The following RPA1 variants were observed in gnomAD, a reference collection of about 807,000 sequenced individuals.
RPA1 encodes replication protein A1.
Under a neutral mutation model 83.0 loss-of-function variants are expected in RPA1, and 49 were observed. That is an observed-to-expected ratio of 0.59 (90% confidence interval 0.47 to 0.75). The LOEUF (loss-of-function observed/expected upper bound fraction) is 0.75, where lower values mean the gene tolerates loss of function less well. RPA1 is among the 30% of genes least tolerant of loss of function. The pLI is 0.00. For missense variants in RPA1, 693 were observed against 776.1 expected, an observed-to-expected ratio of 0.89 and a Z score of 1.27; for synonymous variants, 279 against 281.8, an observed-to-expected ratio of 0.99 and a Z score of 0.10.
intron 8 of RPA1, among the ~76,000 whole-genome samples, chr17:1,878,631 T>G (rs1913653717): frequency 6.6e-6 from 1 of 152,254 alleles, no homozygotes; most frequent in Admixed American, 6.5e-5. Flanking sequence ...ACCTTCCTCG[T>G]GGGCTCTGGG....
chr17:1,856,836 T>G (rs765892502), intron 5 of RPA1, among the ~76,000 whole-genome samples: 23 of 151,802 alleles, frequency 1.5e-4, no homozygotes, highest in Non-Finnish European at 2.9e-4. Context: ...ATAACATACA[T>G]ATATGTTTCC....
At chr17:1,882,914 A>G (rs1333900468) in intron 12 of RPA1, among the ~76,000 whole-genome samples, 1 of 152,192 alleles carries the variant, frequency 6.6e-6, no homozygotes, top group East Asian at 1.9e-4. Context: ...GGCCACTGCC[A>G]ATATGCAAGG....
intron 4 of RPA1, among the ~76,000 whole-genome samples, chr17:1,847,646 T>C (rs1304707508): frequency 6.6e-6 from 1 of 152,228 alleles, no homozygotes; most frequent in African/African-American, 2.4e-5. Flanking sequence ...TATTTCTGAA[T>C]AACAGATCAT....
At chr17:1,895,463 A>G (rs1279025076) in intron 16 of RPA1, among the ~76,000 whole-genome samples, 2 of 151,552 alleles carry the variant, frequency 1.3e-5, no homozygotes, top group African/African-American at 4.8e-5. Flanking sequence ...AGAAAAGTAT[A>G]TTAAGTATAT....
chr17:1,878,889 C>T, intron 8 of RPA1, 104 bp from the exon 9 acceptor site: 1 of 1,086,872 alleles, frequency 9.2e-7, no homozygotes, highest in Non-Finnish European at 1.4e-6. Flanking sequence ...CTCAAGATGT[C>T]ACTTTGGTGC....
At chr17:1,871,756 A>G (rs758276372) in intron 5 of RPA1, among the ~76,000 whole-genome samples, 6 of 151,906 alleles carry the variant, frequency 3.9e-5, no homozygotes, top group East Asian at 1.9e-4. Context: ...AGACACGCTC[A>G]TTTCCCCCCC....
At chr17:1,883,263 A>C (rs1381527959) in intron 12 of RPA1, among the ~76,000 whole-genome samples, 2 of 152,126 alleles carry the variant, frequency 1.3e-5, no homozygotes, top group African/African-American at 4.8e-5. Flanking sequence ...AATTGCCTAC[A>C]AGTGATTCTC....
chr17:1,879,526 G>T, intron 10 of RPA1, 34 bp from the exon 11 acceptor site: 1 of 1,613,878 alleles, frequency 6.2e-7, no homozygotes, highest in South Asian at 1.1e-5. Context: ...TGGGAGTCTT[G>T]ACCACCTCCT....
intron 10 of RPA1, 62 bp from the exon 11 acceptor site, chr17:1,879,498 C>T: frequency 1.2e-6 from 2 of 1,612,496 alleles, no homozygotes; most frequent in Non-Finnish European, 1.7e-6. Context: ...TGCCGTTCAT[C>T]ATTTGCTGGC....
chr17:1,832,127 C>T (rs573042750), intron 1 of RPA1, among the ~76,000 whole-genome samples: 26 of 151,746 alleles, frequency 1.7e-4, no homozygotes, highest in Non-Finnish European at 2.7e-4. Context: ...ACGGGGGTTT[C>T]ACCATGTTGC....
chr17:1,881,060 C>G (rs1433098941), intron 12 of RPA1, among the ~76,000 whole-genome samples: 1 of 152,170 alleles, frequency 6.6e-6, no homozygotes, highest in Non-Finnish European at 1.5e-5. Flanking sequence ...CTTTCTTTCT[C>G]TGTCAAGTCT....
chr17:1,830,067 CCG>C lies in RPA1; in HGVS notation c.-24_-23del, dbSNP rs765073379. 3 of 1,249,238 alleles carry C rather than the reference CCG, an allele frequency of 2.4e-6. No homozygotes were observed. In the African/African-American group the frequency reaches 4.7e-5, roughly 19 times the overall value. The allele number at this position is 1,249,238 out of a possible 1,614,324, so 77.4% of individuals were successfully genotyped here. A position where few individuals can be genotyped will look rare whatever the true frequency, so the allele number is the denominator to read the frequency against. On this transcript the variant is annotated 5_prime_UTR_variant, in exon 1 of 17. Transcript: ENST00000254719. ...GGGGAAGCTGGAGCTGTTGCGGGGT[CCG>C]CGGGGAAGTCTTGGCGGTGGAGCCA...
chr17:1,849,265 CCCT>C (rs934789673), intron 4 of RPA1, among the ~76,000 whole-genome samples: 9 of 150,812 alleles, frequency 6.0e-5, no homozygotes, highest in African/African-American at 2.2e-4. Flanking sequence ...TTTACTTTTT[CCCT>C]CCAAATTTTT....
At chr17:1,831,617 G>A (rs879860756) in intron 1 of RPA1, among the ~76,000 whole-genome samples, 2 of 60,340 alleles carry the variant, frequency 3.3e-5, no homozygotes, top group Non-Finnish European at 6.9e-5. Context: ...TTTTTTTTTT[G>A]AGCTGGAATC....
chr17:1,888,638 G>A (rs541320594), intron 13 of RPA1, 37 bp from the exon 14 acceptor site: 9 of 1,578,958 alleles, frequency 5.7e-6, no homozygotes, highest in Middle Eastern at 2.2e-4. Context: ...GGGCGGGCTC[G>A]CGACTCCGTG....
rs773907917 is a variant in RPA1 at position 1,879,711 on chromosome 17, G to T, written c.1092+12G>T. The T allele has an allele frequency of 4.3e-6, 7 of 1,614,130 alleles. No individual in the cohort carries two copies. The Admixed American group carries it at 6.7e-5, about 15-fold the overall frequency. ...TGTGGGGGGAAGATGTAAGTGCTGG[G>T]ATGGGGTCTTCAACACGCACAGGAC... On this transcript the variant is annotated intron_variant, in intron 11 of 16. Transcript: ENST00000254719.
intron 5 of RPA1, among the ~76,000 whole-genome samples, chr17:1,865,799 T>C (rs187880516): frequency 1.3e-5 from 2 of 152,302 alleles, no homozygotes; most frequent in Admixed American, 1.3e-4. Context: ...TGCTTTTACT[T>C]ATTTATTATT....
intron 15 of RPA1, among the ~76,000 whole-genome samples, chr17:1,894,174 ATT>A (rs144400153): frequency 6.9e-5 from 10 of 144,442 alleles, no homozygotes; most frequent in Admixed American, 2.8e-4. Flanking sequence ...TGACCTCCTA[ATT>A]TTTTTTTTTT....
chr17:1,858,386 G>C, intron 5 of RPA1: 1 of 1,598,642 alleles, frequency 6.3e-7, no homozygotes, highest in Non-Finnish European at 8.6e-7. Context: ...ATACAGAGCT[G>C]AGGGCTAAAG....
Sources: allele counts gnomAD v4.1 joint callset (sites outside exome capture counted in the v4.1 genomes callset), GRCh38; gene constraint gnomAD v4.1.1; transcripts MANE v1.5; gene names NCBI Gene and HGNC (gene_info 2026-07-23, HGNC 2026-07-21).